NPFFR2: variants seen among roughly 807,000 people sequenced by gnomAD.
NPFFR2 encodes G-protein coupled receptor 74.
NPFFR2 carries 15 observed loss-of-function variants against 13.1 expected under a neutral mutation model. The observed-to-expected ratio is 1.15, with a 90% CI of 0.77 to 1.76. The LOEUF (loss-of-function observed/expected upper bound fraction) is 1.76. NPFFR2 is among the 40% of genes most tolerant of loss of function. The pLI is 0.00. For synonymous variants in NPFFR2, 190 were observed against 175.7 expected (o/e 1.08, Z -0.65); for missense variants, 572 against 503.5 (o/e 1.14, Z -1.30).
chr4:72,132,889 A>C (rs148448877), intron 2 of NPFFR2, among the ~76,000 whole-genome samples: 515 of 152,310 alleles, frequency 3.4e-3, no homozygotes, highest in Middle Eastern at 6.8e-3. Flanking sequence ...TAGATGCTGG[A>C]TATTAGACCT....
At chr4:72,103,402 G>T (rs894314450) in intron 1 of NPFFR2, among the ~76,000 whole-genome samples, 2 of 152,132 alleles carry the variant, frequency 1.3e-5, no homozygotes, top group Non-Finnish European at 2.9e-5. Flanking sequence ...CTCCTGCCTT[G>T]TGATGACACG....
At chr4:72,045,802 T>C (rs1205776753) in intron 1 of NPFFR2, among the ~76,000 whole-genome samples, 1 of 152,190 alleles carries the variant, frequency 6.6e-6, no homozygotes, top group Non-Finnish European at 1.5e-5. Context: ...GTTAAATGCA[T>C]ATGGCTTTCA....
At chr4:72,033,296 T>C (rs961791859) in intron 1 of NPFFR2, among the ~76,000 whole-genome samples, 8 of 152,220 alleles carry the variant, frequency 5.3e-5, no homozygotes, top group Non-Finnish European at 1.2e-4. Flanking sequence ...ATGGCAATTG[T>C]ATGCAGAGTT....
At chr4:72,106,131 G>A (rs1303239681) in intron 1 of NPFFR2, among the ~76,000 whole-genome samples, 1 of 152,024 alleles carries the variant, frequency 6.6e-6, no homozygotes, top group African/African-American at 2.4e-5. Context: ...TAGGAAAGGG[G>A]ATTAAAGGAG....
chr4:72,065,961 C>T (rs1720058111), intron 1 of NPFFR2, among the ~76,000 whole-genome samples: 1 of 152,174 alleles, frequency 6.6e-6, no homozygotes, highest in Non-Finnish European at 1.5e-5. Context: ...GATATTTTGC[C>T]TCATATATTA....
Position 72,147,715 on chromosome 4 carries a change from A to G in NPFFR2, c.1166A>G (p.His389Arg), listed in dbSNP as rs1390507413. The G allele has an allele frequency of 1.9e-6, 3 of 1,613,104 alleles. No individual in the cohort carries two copies. The highest frequency in any genetic ancestry group is 2.2e-5 in the South Asian group (2 of 90,730). Residue 389 changes from histidine (H) to arginine (R), a missense_variant, in exon 4 of 4, where the codon CAT becomes CGT. Coordinates refer to ENST00000308744, the MANE Select transcript of NPFFR2 (RefSeq NM_004885.3). ...LVQESTFQNP[H>R]GETLLYRKSA... ...CAGGAATCTACATTTCAAAACCCTC[A>G]TGGGGAAACCTTGCTTTATAGGAAA... is the stretch of plus-strand genomic sequence containing the variant.
intron 2 of NPFFR2, among the ~76,000 whole-genome samples, chr4:72,132,982 G>T (rs1273800457): frequency 6.6e-6 from 1 of 151,898 alleles, no homozygotes; most frequent in Non-Finnish European, 1.5e-5. Context: ...TTTGTCATGT[G>T]GAAGCTCTTT....
At chr4:72,051,182 T>C (rs535703986) in intron 1 of NPFFR2, among the ~76,000 whole-genome samples, 118 of 151,742 alleles carry the variant, frequency 7.8e-4, no homozygotes, top group African/African-American at 2.6e-3. Flanking sequence ...CCTGAGGAGT[T>C]GCCACACTGA....
chr4:72,052,712 C>T (rs1377207948), intron 1 of NPFFR2, among the ~76,000 whole-genome samples: 1 of 151,920 alleles, frequency 6.6e-6, no homozygotes, highest in African/African-American at 2.4e-5. Flanking sequence ...AGGTCTTTTC[C>T]CTGATTTAGG....
chr4:72,136,731 C>CA (rs1248428483), intron 2 of NPFFR2, among the ~76,000 whole-genome samples: 47 of 152,172 alleles, frequency 3.1e-4, no homozygotes, highest in African/African-American at 9.4e-4. Context: ...CTCATTACCC[C>CA]CGCACCTGGT....
intron 1 of NPFFR2, among the ~76,000 whole-genome samples, chr4:72,074,455 A>G (rs1311589488): frequency 1.3e-5 from 2 of 152,068 alleles, no homozygotes; most frequent in African/African-American, 4.8e-5. Flanking sequence ...GCTCCATTTT[A>G]TTACTACTGT....
chr4:72,035,736 C>T (rs535962984), intron 1 of NPFFR2, among the ~76,000 whole-genome samples: 5 of 152,158 alleles, frequency 3.3e-5, no homozygotes, highest in East Asian at 1.9e-4. Context: ...TCCTGAAATG[C>T]CAAAAAATTG....
At chr4:72,051,075 G>A (rs1230552276) in intron 1 of NPFFR2, among the ~76,000 whole-genome samples, 1 of 151,902 alleles carries the variant, frequency 6.6e-6, no homozygotes, top group Admixed American at 6.6e-5. Context: ...ATAAACATAC[G>A]TGTGCATATG....
intron 1 of NPFFR2, among the ~76,000 whole-genome samples, chr4:72,082,443 C>T (rs1215352796): frequency 6.6e-6 from 1 of 152,154 alleles, no homozygotes; most frequent in Non-Finnish European, 1.5e-5. Flanking sequence ...TCTATTTTGC[C>T]AAATTCAATG....
At chr4:72,144,650 A>C (rs1370647554) in intron 3 of NPFFR2, among the ~76,000 whole-genome samples, 2 of 152,124 alleles carry the variant, frequency 1.3e-5, no homozygotes, top group Admixed American at 6.6e-5. Context: ...CCTTAAATTA[A>C]ACATGCCCAG....
chr4:72,128,882 C>T lies in NPFFR2; in HGVS notation c.291C>T (p.Phe97=). Residue 97 remains phenylalanine (F), a synonymous_variant, in exon 2 of 4, where the codon TTC becomes TTT. Coordinates refer to ENST00000308744, the MANE Select transcript of NPFFR2 (RefSeq NM_004885.3). Reference sequence around the variant, plus strand: ...TAAGTGATTTACTAGTTGGCATATTCTGCATGCCTATAACACTGCTGGACA... The same window carrying T: ...TAAGTGATTTACTAGTTGGCATATTTTGCATGCCTATAACACTGCTGGACA... The part of the protein sequence containing the change: ...LAISDLLVGI[F]CMPITLLDNI... The T allele has an allele frequency of 6.2e-7, 1 of 1,613,720 alleles. No homozygotes were observed. The highest frequency in any genetic ancestry group is 8.5e-7 in the Non-Finnish European group (1 of 1,179,686).
At chr4:72,050,783 T>G (rs2109764622) in intron 1 of NPFFR2, among the ~76,000 whole-genome samples, 1 of 120,768 alleles carries the variant, frequency 8.3e-6, no homozygotes, top group African/African-American at 3.2e-5. Context: ...CCCACAACAG[T>G]CCCCAGAGTG....
At chr4:72,106,762 T>G (rs919324556) in intron 1 of NPFFR2, among the ~76,000 whole-genome samples, 1 of 152,044 alleles carries the variant, frequency 6.6e-6, no homozygotes, top group African/African-American at 2.4e-5. Context: ...TTGGAAATTT[T>G]ACATTTTATT....
chr4:72,125,482 C>A (rs1392491176), intron 1 of NPFFR2, among the ~76,000 whole-genome samples: 1 of 152,216 alleles, frequency 6.6e-6, no homozygotes, highest in Non-Finnish European at 1.5e-5. Context: ...ACCAAGTTGT[C>A]ACACTTAGTG....
Sources: allele counts gnomAD v4.1 joint callset (sites outside exome capture counted in the v4.1 genomes callset), GRCh38; gene constraint gnomAD v4.1.1; transcripts MANE v1.5; gene names NCBI Gene and HGNC (gene_info 2026-07-23, HGNC 2026-07-21).